SEC22B: variants seen among roughly 807,000 people sequenced by gnomAD.
SEC22B encodes SEC22 homolog B, vesicle trafficking protein.
SEC22B carries 10 observed loss-of-function variants against 31.4 expected under a neutral mutation model. That is an observed-to-expected ratio of 0.32 (90% CI 0.20 to 0.54). The LOEUF is 0.54. Among genes scored for constraint, SEC22B ranks in the 20% least tolerant of loss-of-function variants. The pLI is 0.94. For synonymous variants in SEC22B, 60 were observed against 95.9 expected, an observed-to-expected ratio of 0.63 and a Z score of 2.19; for missense variants, 130 against 263.4, an observed-to-expected ratio of 0.49 and a Z score of 3.50.
Position 120,152,601 on chromosome 1 carries a change from G to C in SEC22B, c.*4437C>G, listed in dbSNP as rs1261744589. ...AATGAGAAAGGAGCAAATAAGGAAA[G>C]AGGTATTACAAACCAAGAGTAAAAA... On this transcript the variant is annotated 3_prime_UTR_variant, in exon 5 of 5. Transcript: ENST00000578049. The C allele has an allele frequency of 1.3e-5, 2 of 151,190 alleles. No homozygotes were observed. Among genetic ancestry groups the C allele is most frequent in the African/African-American group, 4.9e-5 (2 of 40,920 alleles). The allele number at this position is 151,190 out of a possible 1,614,324, so 9.4% of individuals were successfully genotyped here.
In SEC22B at chr1:120,151,189, C is replaced by T. The variant is rs587641109; in HGVS notation, c.*5849G>A. ...AGAAAGATATTCTGGAGAAAAGGCA[C>T]AGAGTGAGCCAAGGCACAAGGTAAA... On this transcript the variant is annotated 3_prime_UTR_variant, in exon 5 of 5. Transcript: ENST00000578049. 6.6e-6 allele frequency: 1 copy of T among 152,164 alleles called. No homozygotes were observed. The highest frequency in any genetic ancestry group is 2.4e-5 in the African/African-American group (1 of 41,516). 9.4% of individuals were successfully genotyped at this position (152,164 alleles called of 1,614,324 possible).
In SEC22B at chr1:120,151,472, G is replaced by C. The variant is rs1262289876; in HGVS notation, c.*5566C>G. 1.6e-4 allele frequency: 24 copies of C among 152,282 alleles called. No individual in the cohort carries two copies. The highest frequency in any genetic ancestry group is 1.4e-3 in the Admixed American group (21 of 15,290). 9.4% of individuals were successfully genotyped at this position (152,282 alleles called of 1,614,324 possible). On this transcript the variant is annotated 3_prime_UTR_variant, in exon 5 of 5. Transcript: ENST00000578049. Reference sequence around the variant, plus strand: ...CCGAGGAGGGTGGATCATGAGGTCAGGAGTTCAAGACGGTGAAACTCCATC... The same window carrying C: ...CCGAGGAGGGTGGATCATGAGGTCACGAGTTCAAGACGGTGAAACTCCATC...
chr1:120,164,473 T>C (rs1325592782), intron 2 of SEC22B, among the ~76,000 whole-genome samples: 1 of 145,344 alleles, frequency 6.9e-6, no homozygotes, highest in African/African-American at 2.5e-5. Flanking sequence ...TTTATGTCCA[T>C]GAGTGCCCAA....
intron 4 of SEC22B, chr1:120,159,361 T>C (rs1448389515): frequency 5.9e-5 from 9 of 151,998 alleles, no homozygotes; most frequent in African/African-American, 2.2e-4. Flanking sequence ...ACCCAGGAGA[T>C]GGTGGTTGCA....
chr1:120,169,467 A>G (rs1329346997), intron 1 of SEC22B, among the ~76,000 whole-genome samples: 5 of 152,416 alleles, frequency 3.3e-5, no homozygotes, highest in Non-Finnish European at 7.3e-5. Flanking sequence ...CATAAAAATG[A>G]CCAAGGGTAG....
chr1:120,169,328 G>A (rs1334917758), intron 1 of SEC22B, among the ~76,000 whole-genome samples: 2,760 of 151,950 alleles, frequency 0.018, 24 homozygotes, highest in East Asian at 0.074. Context: ...AACAAGATTG[G>A]TGAATTTCAT....
chr1:120,163,370 G>A lies in SEC22B; in HGVS notation c.186C>T (p.His62=). The change falls in exon 3 of 5, where the codon CAC becomes CAT. Residue 62 remains histidine (H), a splice_region_variant and synonymous_variant. Transcript: ENST00000578049. ...AACACACCCCCTGCTCAATAATGTAGCTGGTGAGACATAAAAAGCAAGACA... is the reference window on the plus strand; with the variant it reads ...AACACACCCCCTGCTCAATAATGTAACTGGTGAGACATAAAAAGCAAGACA... ...CTLEAGAMTF[H]YIIEQGVCYL... is the part of the protein sequence containing the mutation. 6.4e-7 allele frequency: 1 copy of A among 1,574,082 alleles called. No individual in the cohort carries two copies. Among genetic ancestry groups the A allele is most frequent in the South Asian group, 1.2e-5 (1 of 84,342 alleles).
chr1:120,175,670 T>C (rs1324146429), intron 1 of SEC22B, among the ~76,000 whole-genome samples: 53 of 152,190 alleles, frequency 3.5e-4, no homozygotes, highest in African/African-American at 1.1e-3. Flanking sequence ...GTAAAAGGTA[T>C]GGATAACAAA....
chr1:120,157,221 A>C lies in SEC22B; in HGVS notation c.494-29T>G, dbSNP rs1330155616. ...TCAAAGAGGAAAAAAGGAAAACATTAATTAGTCCCTGGAAGTATTTTACCG... is the reference window on the plus strand; with the variant it reads ...TCAAAGAGGAAAAAAGGAAAACATTCATTAGTCCCTGGAAGTATTTTACCG... On this transcript the variant is annotated intron_variant, in intron 4 of 4. Transcript: ENST00000578049. 5.6e-5 allele frequency: 75 copies of C among 1,336,270 alleles called. No individual in the cohort carries two copies. In the African/African-American group the frequency reaches 9.1e-4, roughly 16 times the overall value. 82.8% of individuals were successfully genotyped at this position (1,336,270 alleles called of 1,614,324 possible).
At chr1:120,176,073 C>G (rs1657955896) in intron 1 of SEC22B, among the ~76,000 whole-genome samples, 1 of 152,178 alleles carries the variant, frequency 6.6e-6, no homozygotes, top group East Asian at 1.9e-4. Flanking sequence ...ACCACTTCTC[C>G]AGAGCGTTTT....
In SEC22B at chr1:120,153,954, A is replaced by T. The variant is rs1244787635; in HGVS notation, c.*3084T>A. 1 of 151,630 alleles carries T rather than the reference A, an allele frequency of 6.6e-6. No homozygotes were observed. Among genetic ancestry groups the T allele is most frequent in the Admixed American group, 6.6e-5 (1 of 15,228 alleles). 9.4% of individuals were successfully genotyped at this position (151,630 alleles called of 1,614,324 possible). On this transcript the variant is annotated 3_prime_UTR_variant, in exon 5 of 5. Coordinates refer to ENST00000578049, the MANE Select transcript of SEC22B (RefSeq NM_004892.6). ...TTAGATATTTAAATAACCAGAGTGT[A>T]CAGTGTCCAAATATTTCCAAATTTT... is the stretch of plus-strand genomic sequence containing the variant.
intron 1 of SEC22B, among the ~76,000 whole-genome samples, chr1:120,170,820 AC>A (rs1657884179): frequency 6.7e-6 from 1 of 148,372 alleles, no homozygotes; most frequent in African/African-American, 2.6e-5. Context: ...GCCAATAAGA[AC>A]TAGTGCACAA....
chr1:120,160,716 C>T (rs1657701103), intron 3 of SEC22B, among the ~76,000 whole-genome samples, 186 bp from the exon 4 acceptor site: 1 of 151,946 alleles, frequency 6.6e-6, no homozygotes, highest in Non-Finnish European at 1.5e-5. Context: ...AGTGAAACCC[C>T]GTCTCTACTA....
At chr1:120,160,357 T>C in intron 4 of SEC22B, 27 bp downstream of exon 4, 1 of 1,572,522 alleles carries the variant, frequency 6.4e-7, no homozygotes, top group Non-Finnish European at 8.7e-7. Flanking sequence ...GAACCATTTC[T>C]TCATAAGACT....
chr1:120,176,178 C>G, intron 1 of SEC22B, 129 bp downstream of exon 1: 1 of 733,934 alleles, frequency 1.4e-6, no homozygotes, highest in Non-Finnish European at 2.3e-6. Flanking sequence ...AAGATAAAAG[C>G]GCACTTCAGA....
At chr1:120,164,836 A>G (rs1170573465) in intron 2 of SEC22B, among the ~76,000 whole-genome samples, 1 of 151,984 alleles carries the variant, frequency 6.6e-6, no homozygotes. Context: ...AAAAATCTCT[A>G]AACTGCTTTC....
chr1:120,174,686 T>TAGGCCGGGCG (rs1657933415), intron 1 of SEC22B, among the ~76,000 whole-genome samples: 4 of 114,464 alleles, frequency 3.5e-5, no homozygotes, highest in Admixed American at 9.7e-5. Context: ...TTGACCAGAT[T>TAGGCCGGGCG]CCATCCCCCC....
Position 120,156,859 on chromosome 1 carries a change from G to T in SEC22B, c.*179C>A. The stretch of plus-strand genomic sequence containing the variant: ...CCCCGAAAGAGACTTTCTACATAGG[G>T]TTAAGCTTCATTAAATGAGGTGCAA... On this transcript the variant is annotated 3_prime_UTR_variant, in exon 5 of 5. Transcript: ENST00000578049. 1 of 408,808 alleles carries T rather than the reference G, an allele frequency of 2.4e-6. No homozygotes were observed. Among genetic ancestry groups the T allele is most frequent in the South Asian group, 1.0e-4 (1 of 9,766 alleles). 25.3% of individuals were successfully genotyped at this position (408,808 alleles called of 1,614,324 possible). A position where few individuals can be genotyped will look rare whatever the true frequency, so the allele number is the denominator to read the frequency against.
Position 120,157,060 on chromosome 1 carries a change from T to A in SEC22B, c.626A>T (p.Tyr209Phe). The part of the protein sequence containing the change: ...VAVFFIMLIV[Y>F]VRFWWL ...ATTTCACAGCCACCAGAATCGGACA[T>A]ACACTATTAACATGATGAAAAATAC... Residue 209 changes from tyrosine to phenylalanine, a missense_variant, in exon 5 of 5, where the codon TAT (tyrosine) becomes TTT (phenylalanine). Physicochemically the swap from Tyr to Phe is conservative, Grantham distance 22. Transcript: ENST00000578049. 6.6e-7 allele frequency: 1 copy of A among 1,522,840 alleles called. No individual in the cohort carries two copies. Among genetic ancestry groups the A allele is most frequent in the Non-Finnish European group, 8.9e-7 (1 of 1,120,000 alleles). The allele number at this position is 1,522,840 out of a possible 1,614,324, so 94.3% of individuals were successfully genotyped here. A position where few individuals can be genotyped will look rare whatever the true frequency, so the allele number is the denominator to read the frequency against.
Sources: gnomAD v4.1 joint callset for allele counts (sites outside exome capture counted in the v4.1 genomes callset) on GRCh38, gnomAD v4.1.1 for gene constraint, MANE v1.5 for transcripts, NCBI Gene and HGNC (gene_info 2026-07-23, HGNC 2026-07-21) for gene names.